Variants in GNS observed in about 807,000 individuals in gnomAD.
The protein encoded by GNS is N-acetylglucosamine-6-sulfatase.
Under a neutral mutation model 69.7 loss-of-function variants are expected in GNS, and 40 were observed. That is an observed-to-expected ratio of 0.57 (90% CI 0.45 to 0.75). The LOEUF (loss-of-function observed/expected upper bound fraction) is 0.75, where lower values mean the gene tolerates loss of function less well. Among genes scored for constraint, GNS ranks in the 30% least tolerant of loss-of-function variants. GNS has a pLI of 0.00. For synonymous variants in GNS, 243 were observed against 251.6 expected (o/e 0.97, Z 0.32); for missense variants, 565 against 685.5 (o/e 0.82, Z 1.96).
chr12:64,729,694 T>C (rs1181808914), intron 9 of GNS, among the ~76,000 whole-genome samples: 6 of 152,220 alleles, frequency 3.9e-5, no homozygotes, highest in Admixed American at 6.5e-5. Context: ...CTTTGACTTA[T>C]TTCCTTGGTT....
chr12:64,744,766 G>T, intron 5 of GNS, 43 bp downstream of exon 5: 1 of 893,296 alleles, frequency 1.1e-6, no homozygotes, highest in Non-Finnish European at 1.9e-6. Flanking sequence ...TCAAATGTGA[G>T]CCAACCCTGT....
chr12:64,754,173 G>C (rs1224311082), intron 1 of GNS, among the ~76,000 whole-genome samples: 2 of 152,224 alleles, frequency 1.3e-5, no homozygotes, highest in Non-Finnish European at 2.9e-5. Context: ...GGTGGACAGA[G>C]GATAGATGGT....
At chr12:64,752,651 TACAA>T (rs1400343032) in intron 2 of GNS, 43 bp downstream of exon 2, 3 of 948,660 alleles carry the variant, frequency 3.2e-6, no homozygotes, top group South Asian at 1.3e-5. Context: ...CTTCTTAGAA[TACAA>T]ACACAGTTAA....
chr12:64,720,563 TAA>T (rs1868995481), intron 12 of GNS, among the ~76,000 whole-genome samples: 1 of 152,220 alleles, frequency 6.6e-6, no homozygotes, highest in Non-Finnish European at 1.5e-5. Context: ...ATAAAGTTAC[TAA>T]AGTGAGAGCG....
At chr12:64,752,627 C>T (rs377469056) in intron 2 of GNS, 71 bp downstream of exon 2, 15 of 812,654 alleles carry the variant, frequency 1.8e-5, no homozygotes, top group African/African-American at 1.0e-4. Flanking sequence ...ACCAGATTCC[C>T]GAGAAGAGAG....
At chr12:64,749,255 T>C (rs1306196148) in intron 2 of GNS, among the ~76,000 whole-genome samples, 2 of 135,716 alleles carry the variant, frequency 1.5e-5, no homozygotes, top group African/African-American at 5.6e-5. Flanking sequence ...TGGCTTTTTT[T>C]TTTTTTTTTT....
intron 2 of GNS, among the ~76,000 whole-genome samples, chr12:64,748,760 A>G (rs1869975583): frequency 6.6e-6 from 1 of 152,078 alleles, no homozygotes; most frequent in Admixed American, 6.6e-5. Flanking sequence ...CACATCACCA[A>G]GCCACTTCAC....
At chr12:64,756,717 C>T in intron 1 of GNS, 8 of 1,483,150 alleles carry the variant, frequency 5.4e-6, no homozygotes, top group Non-Finnish European at 6.4e-6. Context: ...AGCTCTTCCC[C>T]TTGGAGTCCT....
rs199615043 is a variant in GNS, at chr12:64,745,602, C to G, written c.525+57G>C. The G allele has an allele frequency of 6.3e-6, 6 of 951,952 alleles. No individual in the cohort carries two copies. In the East Asian group the frequency reaches 1.4e-4, roughly 23 times the overall value. 59.0% of individuals were successfully genotyped at this position (951,952 alleles called of 1,614,324 possible). A position where few individuals can be genotyped will look rare whatever the true frequency, so the allele number is the denominator to read the frequency against. On this transcript the variant is annotated intron_variant, in intron 4 of 13. Coordinates refer to ENST00000258145, the MANE Select transcript of GNS (RefSeq NM_002076.4). ...ATGTCAATATCAGAGCTAAATTAAACATATTCTGCATCTGTAGGGCTGCAT... is the reference window on the plus strand; with the variant it reads ...ATGTCAATATCAGAGCTAAATTAAAGATATTCTGCATCTGTAGGGCTGCAT...
chr12:64,716,803 G>A lies in GNS; in HGVS notation c.1597C>T (p.Arg533Cys), dbSNP rs1430079019. Reference sequence around the variant, plus strand: ...CTGCCGCGATTGCTGAACATGAGACGGGGGTCAAACCTGTATCTGGGGAGG... The same window carrying A: ...CTGCCGCGATTGCTGAACATGAGACAGGGGTCAAACCTGTATCTGGGGAGG... ...VFDPGYRFDP[R>C]LMFSNRGSVR... Residue 533 changes from arginine (R) to cysteine (C), a missense_variant, in exon 14 of 14, where the codon CGT becomes TGT. Arg to Cys is a radical substitution (Grantham distance 180). Around this residue, in one of 2 missense-constraint regions of GNS, gnomAD observed 384 missense variants for 511.0 expected, o/e 0.75. Transcript: ENST00000258145. 5.0e-6 allele frequency: 8 copies of A among 1,611,584 alleles called. No individual in the cohort carries two copies. Among genetic ancestry groups the A allele is most frequent in the East Asian group, 4.5e-5 (2 of 44,878 alleles).
In GNS at chr12:64,756,696, G is replaced by A. The variant is rs2136256160; in HGVS notation, c.192+2389C>T. 2.9e-6 allele frequency: 4 copies of A among 1,388,928 alleles called. No homozygotes were observed. The East Asian group carries it at 7.5e-5, about 26-fold the overall frequency. The allele number at this position is 1,388,928 out of a possible 1,614,324, so 86.0% of individuals were successfully genotyped here. A position where few individuals can be genotyped will look rare whatever the true frequency, so the allele number is the denominator to read the frequency against. On this transcript the variant is annotated intron_variant, in intron 1 of 13. Coordinates refer to ENST00000258145, the MANE Select transcript of GNS (RefSeq NM_002076.4). ...CTCGGCTCCAAGTAAGTTCTCAAAT[G>A]CTCTTGTCCTAGCTCTTCCCCTTGG...
chr12:64,729,197 T>A lies in GNS; in HGVS notation c.1099-140A>T, dbSNP rs140275920. 4.1e-3 allele frequency: 2,792 copies of A among 686,058 alleles called. 16 individuals carry two copies. Among genetic ancestry groups the A allele is most frequent in the Middle Eastern group, 0.013 (36 of 2,834 alleles). The allele number at this position is 686,058 out of a possible 1,614,324, so 42.5% of individuals were successfully genotyped here. On this transcript the variant is annotated intron_variant, in intron 9 of 13. Coordinates refer to ENST00000258145, the MANE Select transcript of GNS (RefSeq NM_002076.4). ...TTTATACAGCCCATACTTTGGTCTG[T>A]TTCATAGATCCAAATATAACTATAA...
At chr12:64,735,577 G>T (rs1476993829) in intron 9 of GNS, among the ~76,000 whole-genome samples, 1 of 152,190 alleles carries the variant, frequency 6.6e-6, no homozygotes, top group East Asian at 1.9e-4. Context: ...AGAAAAAAAG[G>T]AACAGTTTTT....
chr12:64,719,392 AC>A (rs1210645464), intron 13 of GNS, among the ~76,000 whole-genome samples: 1 of 152,204 alleles, frequency 6.6e-6, no homozygotes, highest in East Asian at 1.9e-4. Context: ...GGTTCCTGCC[AC>A]CAGCAGCTCA....
chr12:64,736,919 T>G, intron 9 of GNS, 85 bp downstream of exon 9: 2 of 788,622 alleles, frequency 2.5e-6, no homozygotes, highest in Non-Finnish European at 4.6e-6. Context: ...AAGAGGAACC[T>G]AACCAATCTT....
chr12:64,717,550 CAA>C lies in GNS; in HGVS notation c.1581-733_1581-732del, dbSNP rs1868902943. ...TTTTTTTTTTTTTTTTTTGTAGAGACAAGAGTTTCACCATGTTGCCCAGGCTG... is the reference window on the plus strand; with the variant it reads ...TTTTTTTTTTTTTTTTTTGTAGAGACGAGTTTCACCATGTTGCCCAGGCTG... On this transcript the variant is annotated intron_variant, in intron 13 of 13. Coordinates refer to ENST00000258145, the MANE Select transcript of GNS (RefSeq NM_002076.4). 3.1e-5 allele frequency among the ~76,000 whole-genome samples: 4 copies of C among 129,244 alleles called. No individual in the cohort carries two copies. In the South Asian group the frequency reaches 7.0e-4, roughly 23 times the overall value. The allele number at this position is 129,244 out of a possible 152,430, so 84.8% of individuals were successfully genotyped here.
intron 13 of GNS, among the ~76,000 whole-genome samples, chr12:64,719,457 C>T (rs1467006892): frequency 6.6e-6 from 1 of 152,172 alleles, no homozygotes; most frequent in Non-Finnish European, 1.5e-5. Context: ...CTAAGAAGGA[C>T]CGTGTGGGGA....
chr12:64,740,441 A>G (rs1013676001), intron 7 of GNS, among the ~76,000 whole-genome samples, 165 bp downstream of exon 7: 1 of 152,214 alleles, frequency 6.6e-6, no homozygotes, highest in South Asian at 2.1e-4. Flanking sequence ...ATTTGAGTGT[A>G]AAGGAATCTC....
chr12:64,744,800 G>C lies in GNS; in HGVS notation c.624+9C>G. 7.5e-7 allele frequency: 1 copy of C among 1,338,340 alleles called. No individual in the cohort carries two copies. Among genetic ancestry groups the C allele is most frequent in the Non-Finnish European group, 1.1e-6 (1 of 927,908 alleles). The allele number at this position is 1,338,340 out of a possible 1,614,324, so 82.9% of individuals were successfully genotyped here. On this transcript the variant is annotated intron_variant, in intron 5 of 13. Transcript: ENST00000258145. The stretch of plus-strand genomic sequence containing the variant: ...GTAAGGACAGAGCTACAAAGCTTCT[G>C]CAACTCACCAAAACATCTGTCAGGT...
Sources: gnomAD v4.1 joint callset for allele counts (sites outside exome capture counted in the v4.1 genomes callset) on GRCh38, gnomAD v4.1.1 for gene constraint, gnomAD v4.1.1 regional missense constraint, MANE v1.5 for transcripts, NCBI Gene and HGNC (gene_info 2026-07-23, HGNC 2026-07-21) for gene names.